The following CLSTN3 variants were observed in gnomAD, a reference collection of about 807,000 sequenced individuals.
CLSTN3 encodes the protein calsyntenin 3.
CLSTN3 carries 36 observed loss-of-function variants against 95.9 expected under a neutral mutation model. That is an observed-to-expected ratio of 0.38 (90% CI 0.29 to 0.50). The LOEUF is 0.50. CLSTN3 is among the 20% of genes least tolerant of loss of function. The probability of loss-of-function intolerance (pLI) is 0.95; values close to 1 mark genes in which losing one functional copy is unlikely to be tolerated. For missense variants in CLSTN3, 1,084 were observed against 1,268.8 expected, an observed-to-expected ratio of 0.85 and a Z score of 2.21; for synonymous variants, 481 against 504.0, an observed-to-expected ratio of 0.95 and a Z score of 0.61.
chr12:7,145,052 G>T (rs918547457), intron 12 of CLSTN3, among the ~76,000 whole-genome samples: 1 of 152,188 alleles, frequency 6.6e-6, no homozygotes, highest in Non-Finnish European at 1.5e-5. Context: ...GAGGAGCCAT[G>T]GCAGAAGGGA....
At position 7,134,171 on chromosome 12, in the gene CLSTN3, TGAG is replaced by T. The variant is rs758384719; in HGVS notation, c.383+410_383+412del. 3.9e-4 allele frequency among the ~76,000 whole-genome samples: 59 copies of T among 152,130 alleles called. 1 individual carries two copies. Among genetic ancestry groups the T allele is most frequent in the Non-Finnish European group, 1.3e-4 (9 of 68,014 alleles). ...AGGGCACAGTACATGGGCATAATGA[TGAG>T]GAGGAGAGCAAGAAGGAAGAGGATG... is the stretch of plus-strand genomic sequence containing the variant. On this transcript the variant is annotated intron_variant, in intron 3 of 17. Coordinates refer to ENST00000266546, the MANE Select transcript of CLSTN3 (RefSeq NM_014718.4).
At chr12:7,134,408 T>G (rs1713704868) in intron 3 of CLSTN3, among the ~76,000 whole-genome samples, 2 of 152,262 alleles carry the variant, frequency 1.3e-5, no homozygotes, top group Admixed American at 1.3e-4. Flanking sequence ...AGATCTTCAG[T>G]CAGGATTCCT....
intron 12 of CLSTN3, among the ~76,000 whole-genome samples, chr12:7,147,405 A>G (rs1321321889): frequency 6.7e-6 from 1 of 150,234 alleles, no homozygotes; most frequent in East Asian, 2.0e-4. Context: ...CCAAAAAAAA[A>G]AAAAAAAAAA....
Position 7,138,036 on chromosome 12 carries a change from G to C in CLSTN3, c.1292G>C (p.Arg431Pro). 1 of 1,613,612 alleles carries C rather than the reference G, an allele frequency of 6.2e-7. No individual in the cohort carries two copies. Among genetic ancestry groups the C allele is most frequent in the Non-Finnish European group, 8.5e-7 (1 of 1,179,828 alleles). The change falls in exon 8 of 18, where the codon CGC becomes CCC. Residue 431 changes from arginine (R) to proline (P), a missense_variant. By Grantham distance (103) the Arg-to-Pro change is moderately radical. Transcript: ENST00000266546. The stretch of plus-strand genomic sequence containing the variant: ...TACTGGCCCCTGCTTGAGAGTGCCC[G>C]CCCAGTCAAGTTCCTCTGGAAGCTG... ...FLYWPLLESA[R>P]PVKFLWKLEQ...
rs117852387 is a variant in CLSTN3 at position 7,141,268 on chromosome 12, C to T, written c.1350C>T (p.Tyr450=). The T allele has an allele frequency of 1.4e-4, 218 of 1,614,126 alleles. 1 individual carries two copies. The highest frequency in any genetic ancestry group is 1.6e-4 in the South Asian group (15 of 91,076). ...EQVCDDEWHH[Y]ALNLEFPTVT... Reference sequence around the variant, plus strand: ...TCTGTGATGATGAGTGGCACCACTACGCTCTGAACCTCGAGTTCCCCACAG... The same window carrying T: ...TCTGTGATGATGAGTGGCACCACTATGCTCTGAACCTCGAGTTCCCCACAG... The change falls in exon 9 of 18, where the codon TAC becomes TAT. Residue 450 remains tyrosine (Y), a synonymous_variant. Transcript: ENST00000266546. The surrounding 1 kb of genome is among the most constrained non-coding windows in gnomAD (Gnocchi z 4.1).
rs1188734656 is a variant in CLSTN3, at chr12:7,130,964, C to A, written c.64+252C>A. ...TGGTCATCTTGCTCCCATTTGGTCT[C>A]CATTCCCGTCCTGGGGTCTCTATTC... On this transcript the variant is annotated intron_variant, in intron 1 of 17. Transcript: ENST00000266546. 2.8e-5 allele frequency: 16 copies of A among 581,550 alleles called. No homozygotes were observed. In the East Asian group the frequency reaches 4.6e-4, roughly 17 times the overall value. The allele number at this position is 581,550 out of a possible 1,614,324, so 36.0% of individuals were successfully genotyped here.
chr12:7,131,768 C>T (rs1428964890), intron 1 of CLSTN3: 2 of 450,944 alleles, frequency 4.4e-6, no homozygotes, highest in Non-Finnish European at 8.9e-6. Flanking sequence ...CTGCCACTTC[C>T]TGTACCGCCT....
At position 7,141,380 on chromosome 12, in the gene CLSTN3, C is replaced by G. The variant is rs146448907; in HGVS notation, c.1462C>G (p.Leu488Val). 7.6e-5 allele frequency: 122 copies of G among 1,614,102 alleles called. No homozygotes were observed. The highest frequency in any genetic ancestry group is 3.0e-4 in the Admixed American group (18 of 60,008). Residue 488 changes from leucine to valine, a missense_variant, in exon 9 of 18, where the codon CTC becomes GTC. Transcript: ENST00000266546. This position sits in a 1 kb window ranked among gnomAD's most constrained non-coding sequence, Gnocchi z 4.1. ...LIHPPRREPA[L>V]MIGACWTEEK... is the part of the protein sequence containing the mutation. ...CCACCCACCCCGAAGGGAGCCTGCT[C>G]TCATGATTGGGGCCTGCTGGACTGG...
At chr12:7,129,131 TC>T, upstream of CLSTN3, 1 of 307,990 alleles carries the variant, frequency 3.2e-6, no homozygotes, top group South Asian at 3.1e-5. This position sits in a 1 kb window ranked among gnomAD's most constrained non-coding sequence, Gnocchi z 5.5. Flanking sequence ...CATCCAAAAC[TC>T]AGCCATCCAA....
intron 12 of CLSTN3, among the ~76,000 whole-genome samples, chr12:7,147,396 CAAAAAAAAAAAAA>C (rs56109046): frequency 1.3e-3 from 66 of 50,570 alleles, no homozygotes; most frequent in Non-Finnish European, 5.8e-4. Context: ...GAGACTCTGC[CAAAAAAAAAAAAA>C]AAAAAAAAAA....
chr12:7,130,990 T>C, intron 1 of CLSTN3: 1 of 541,278 alleles, frequency 1.8e-6, no homozygotes, highest in Non-Finnish European at 3.3e-6. Context: ...GTCTCTATTC[T>C]CCCCTTCCCC....
At chr12:7,131,238 G>A (rs997337745) in intron 1 of CLSTN3, 2 of 219,836 alleles carry the variant, frequency 9.1e-6, no homozygotes, top group Admixed American at 1.0e-4. Flanking sequence ...GCATCAGCTG[G>A]GCTGTGGGTT....
intron 4 of CLSTN3, 134 bp downstream of exon 4, chr12:7,135,669 C>A: frequency 7.4e-7 from 1 of 1,348,208 alleles, no homozygotes. Flanking sequence ...ATGGAGCCTT[C>A]TCCTCCCAGA....
upstream of CLSTN3, chr12:7,130,303 T>TGCCCC: frequency 7.7e-6 from 6 of 778,310 alleles, no homozygotes; most frequent in South Asian, 2.6e-5. Context: ...CAGCACCTGG[T>TGCCCC]CCCCCCCCCT....
intron 1 of CLSTN3, among the ~76,000 whole-genome samples, chr12:7,132,086 C>G (rs1939314883): frequency 6.6e-6 from 1 of 152,082 alleles, no homozygotes; most frequent in Non-Finnish European, 1.5e-5. Flanking sequence ...CAGCCCCTCA[C>G]CAGGCTGAAT....
In CLSTN3 at chr12:7,149,318, G is replaced by A; in HGVS notation, c.2074+120G>A. On this transcript the variant is annotated intron_variant, in intron 13 of 17. Coordinates refer to ENST00000266546, the MANE Select transcript of CLSTN3 (RefSeq NM_014718.4). The surrounding 1 kb of genome is among the most constrained non-coding windows in gnomAD (Gnocchi z 4.5). The stretch of plus-strand genomic sequence containing the variant: ...GACTCCATCCTGTGTTTGTTTGACT[G>A]AACAACTTACCTTTAAGAAGGAGAG... 1.0e-6 allele frequency: 1 copy of A among 994,820 alleles called. No individual in the cohort carries two copies. The allele number at this position is 994,820 out of a possible 1,614,324, so 61.6% of individuals were successfully genotyped here.
At chr12:7,136,720 C>T (rs1048505604) in intron 6 of CLSTN3, 109 bp from the exon 7 acceptor site, 27 of 1,253,044 alleles carry the variant, frequency 2.2e-5, no homozygotes, top group Non-Finnish European at 2.7e-5. Context: ...GGTGGCAAGA[C>T]GTGCTGTAGG....
chr12:7,136,264 T>C lies in CLSTN3; in HGVS notation c.801T>C (p.Gly267=). The C allele has an allele frequency of 6.2e-7, 1 of 1,614,216 alleles. No homozygotes were observed. Among genetic ancestry groups the C allele is most frequent in the Non-Finnish European group, 8.5e-7 (1 of 1,180,034 alleles). The part of the protein sequence containing the change: ...PGAGSLALFP[G]IRLETCDEPL... ...CTGGGAGCTTGGCTTTGTTCCCTGG[T>C]ATCCGCCTGGAGACCTGTGATGAAC... The change falls in exon 6 of 18, where the codon GGT becomes GGC. Residue 267 remains glycine (G), a synonymous_variant. Transcript: ENST00000266546.
Position 7,150,936 on chromosome 12 carries a change from C to A in CLSTN3, c.2400C>A (p.Val800=). Residue 800 remains valine, a synonymous_variant, in exon 16 of 18, where the codon GTC becomes GTA. Transcript: ENST00000266546. The surrounding 1 kb of genome is among the most constrained non-coding windows in gnomAD (Gnocchi z 4.0). ...SSNEFIVEVN[V]LHSMNRVAHP... is the part of the protein sequence containing the mutation. Reference sequence around the variant, plus strand: ...GCCCTCCCTCTGCCCAGGTCAATGTCCTGCACAGCATGAACCGGGTTGCCC... The same window carrying A: ...GCCCTCCCTCTGCCCAGGTCAATGTACTGCACAGCATGAACCGGGTTGCCC... The A allele has an allele frequency of 1.9e-6, 3 of 1,604,972 alleles. No individual in the cohort carries two copies. Among genetic ancestry groups the A allele is most frequent in the Middle Eastern group, 3.3e-4 (2 of 6,014 alleles).
Sources: gnomAD v4.1 joint callset for allele counts (sites outside exome capture counted in the v4.1 genomes callset) on GRCh38, gnomAD v4.1.1 for gene constraint, Gnocchi (gnomAD v3.1) non-coding constraint, MANE v1.5 for transcripts, NCBI Gene and HGNC (gene_info 2026-07-23, HGNC 2026-07-21) for gene names.